ZNRF3: variants seen among roughly 807,000 people sequenced by gnomAD.
ZNRF3 encodes the protein E3 ubiquitin-protein ligase ZNRF3.
A neutral mutation model predicts 72.5 loss-of-function variants in ZNRF3; 23 were observed. The ratio of observed to expected loss-of-function variants is 0.32; its 90% CI spans 0.23 to 0.45. The LOEUF is 0.45. Among genes scored for constraint, ZNRF3 ranks in the 20% least tolerant of loss-of-function variants. The pLI, the probability that ZNRF3 is intolerant of heterozygous loss-of-function variation, is 1.00. For missense variants in ZNRF3, 1,169 were observed against 1,272.1 expected (o/e 0.92, Z 1.23); for synonymous variants, 610 against 545.3 (o/e 1.12, Z -1.65).
intron 1 of ZNRF3, among the ~76,000 whole-genome samples, chr22:28,962,390 A>C (rs374824362): frequency 6.6e-6 from 1 of 152,152 alleles, no homozygotes; most frequent in Non-Finnish European, 1.5e-5. Flanking sequence ...GAGGGGTGCA[A>C]TGAAGTTGTC....
intron 2 of ZNRF3, among the ~76,000 whole-genome samples, chr22:28,993,761 C>T (rs774768582): frequency 6.6e-6 from 1 of 152,210 alleles, no homozygotes; most frequent in Non-Finnish European, 1.5e-5. Context: ...TGGCTCACTT[C>T]AGCCTCAAAC....
intron 2 of ZNRF3, among the ~76,000 whole-genome samples, chr22:28,990,412 C>T (rs1291570622): frequency 3.9e-5 from 6 of 152,156 alleles, no homozygotes; most frequent in Non-Finnish European, 5.9e-5. Context: ...TGGCCAGGCA[C>T]GGTGGCTCAC....
intron 2 of ZNRF3, among the ~76,000 whole-genome samples, chr22:29,010,542 A>G (rs541021756): frequency 6.6e-6 from 1 of 152,298 alleles, no homozygotes; most frequent in Non-Finnish European, 1.5e-5. Flanking sequence ...TGATTACTGT[A>G]AATAATGCTA....
At position 28,902,457 on chromosome 22, in the gene ZNRF3, G is replaced by A. The variant is rs537223921; in HGVS notation, c.300+18391G>A. ...GAGTGCAGTGGTGTGATCTTGGTTCGCTACGAACTCCCTGTCCTGCGCTCA... is the reference window on the plus strand; with the variant it reads ...GAGTGCAGTGGTGTGATCTTGGTTCACTACGAACTCCCTGTCCTGCGCTCA... On this transcript the variant is annotated intron_variant, in intron 1 of 8. Coordinates refer to ENST00000544604, the MANE Select transcript of ZNRF3 (RefSeq NM_001206998.2). 5.3e-5 allele frequency among the ~76,000 whole-genome samples: 8 copies of A among 151,636 alleles called. No individual in the cohort carries two copies. The South Asian group carries it at 6.3e-4, about 12-fold the overall frequency.
At chr22:28,925,934 T>A (rs1198334689) in intron 1 of ZNRF3, among the ~76,000 whole-genome samples, 1 of 152,196 alleles carries the variant, frequency 6.6e-6, no homozygotes, top group Non-Finnish European at 1.5e-5. Flanking sequence ...CTTCTCTCCC[T>A]ATCTACTGCC....
Position 28,976,229 on chromosome 22 carries a change from T to A in ZNRF3, c.301-10847T>A, listed in dbSNP as rs551890547. On this transcript the variant is annotated intron_variant, in intron 1 of 8. Coordinates refer to ENST00000544604, the MANE Select transcript of ZNRF3 (RefSeq NM_001206998.2). ...AAGATCATGCCACTGCACTCCAGCA[T>A]GGGCAACAGAGCGGGACCCTGTCTC... Among the ~76,000 whole-genome samples the A allele has an allele frequency of 2.0e-5, 3 of 152,280 alleles. No individual in the cohort carries two copies. The East Asian group carries it at 5.8e-4, about 29-fold the overall frequency.
chr22:28,965,328 C>T (rs552443433), intron 1 of ZNRF3, among the ~76,000 whole-genome samples: 4 of 152,360 alleles, frequency 2.6e-5, no homozygotes, highest in African/African-American at 9.6e-5. Flanking sequence ...GTGCTTGCCT[C>T]GTTCCAGGCA....
intron 1 of ZNRF3, among the ~76,000 whole-genome samples, chr22:28,895,653 C>G (rs973925225): frequency 2.0e-5 from 3 of 151,912 alleles, no homozygotes; most frequent in Admixed American, 1.3e-4. Flanking sequence ...GGCGACAGAG[C>G]GAGACTCCGT....
chr22:28,958,382 TCTCA>T (rs1342778412), intron 1 of ZNRF3, among the ~76,000 whole-genome samples: 1 of 152,190 alleles, frequency 6.6e-6, no homozygotes, highest in African/African-American at 2.4e-5. Flanking sequence ...GTTGGTTTTC[TCTCA>T]CTCCCCTCCT....
chr22:28,930,468 G>A (rs998113648), intron 1 of ZNRF3, among the ~76,000 whole-genome samples: 3 of 152,322 alleles, frequency 2.0e-5, no homozygotes, highest in East Asian at 3.9e-4. Context: ...GGATGGTTCC[G>A]ATTTGAGAGT....
At position 29,049,776 on chromosome 22, in the gene ZNRF3, A is replaced by T. The variant is rs779227959; in HGVS notation, c.1595A>T (p.Tyr532Phe). The change falls in exon 8 of 9, where the codon TAT becomes TTT. Residue 532 changes from tyrosine (Y) to phenylalanine (F), a missense_variant. By Grantham distance (22) the Tyr-to-Phe change is conservative. Around this residue, in one of 2 missense-constraint regions of ZNRF3, gnomAD observed 783 missense variants for 731.4 expected, o/e 1.07. Transcript: ENST00000544604. The surrounding 1 kb of genome is among the most constrained non-coding windows in gnomAD (Gnocchi z 5.2). ...ESGSTSSFSCYHGHRSVCSGY... is the reference protein window; with the variant it reads ...ESGSTSSFSCFHGHRSVCSGY... The stretch of plus-strand genomic sequence containing the variant: ...GGCAGCACGTCCAGCTTCAGCTGCT[A>T]TCACGGCCACCGCTCGGTGTGCAGT... 3 of 1,599,228 alleles carry T rather than the reference A, an allele frequency of 1.9e-6. No homozygotes were observed. The South Asian group carries it at 3.3e-5, about 18-fold the overall frequency.
intron 1 of ZNRF3, among the ~76,000 whole-genome samples, chr22:28,889,750 A>AT (rs2033852306): frequency 6.6e-6 from 1 of 152,224 alleles, no homozygotes; most frequent in Non-Finnish European, 1.5e-5. Flanking sequence ...ACTTTTCTGC[A>AT]TTTACATGGC....
intron 1 of ZNRF3, among the ~76,000 whole-genome samples, chr22:28,918,045 G>C (rs1014918103): frequency 6.6e-6 from 1 of 152,358 alleles, no homozygotes; most frequent in Middle Eastern, 3.4e-3. Flanking sequence ...ATAACTAGCT[G>C]TTTGCGTGCT....
chr22:29,048,466 C>T lies in ZNRF3; in HGVS notation c.990C>T (p.Cys330=). Residue 330 remains cysteine, a synonymous_variant, in exon 7 of 9, where the codon TGC becomes TGT. Transcript: ENST00000544604. This position sits in a 1 kb window ranked among gnomAD's most constrained non-coding sequence, Gnocchi z 4.9. ...VDPWLLQHHT[C]PHCRHNIIEQ... is the part of the protein sequence containing the mutation. ...CCTGGCTGCTGCAGCACCACACCTGCCCCCACTGTCGGCACAACATCATAG... is the reference window on the plus strand; with the variant it reads ...CCTGGCTGCTGCAGCACCACACCTGTCCCCACTGTCGGCACAACATCATAG... 2 of 1,614,152 alleles carry T rather than the reference C, an allele frequency of 1.2e-6. No homozygotes were observed.
chr22:28,912,025 C>A (rs550582953), intron 1 of ZNRF3, among the ~76,000 whole-genome samples: 1 of 152,154 alleles, frequency 6.6e-6, no homozygotes, highest in Non-Finnish European at 1.5e-5. Context: ...GAGAAGGGCC[C>A]GGCCATTAAA....
At chr22:29,051,257 G>C (rs766758494) in intron 8 of ZNRF3, among the ~76,000 whole-genome samples, 3 of 152,138 alleles carry the variant, frequency 2.0e-5, no homozygotes, top group Non-Finnish European at 4.4e-5. Context: ...CCTAGCACCA[G>C]CTGGGGGTAG....
chr22:29,034,734 C>T (rs1023214693), intron 2 of ZNRF3, among the ~76,000 whole-genome samples: 3 of 152,102 alleles, frequency 2.0e-5, no homozygotes, highest in Admixed American at 2.0e-4. Context: ...TACCCATTTG[C>T]CCTTGGAACT....
At chr22:28,986,598 G>C in intron 1 of ZNRF3, 2 of 985,316 alleles carry the variant, frequency 2.0e-6, no homozygotes, top group Non-Finnish European at 2.4e-6. Flanking sequence ...GATTTCTGTG[G>C]TCTCTGCATA....
intron 2 of ZNRF3, chr22:29,025,564 C>CTTTCT (rs533618873): frequency 6.8e-6 from 1 of 147,386 alleles, no homozygotes; most frequent in Non-Finnish European, 1.5e-5. Context: ...CTCTTTCTTT[C>CTTTCT]TTTTTTTTTT....
Sources: gnomAD v4.1 joint callset for allele counts (sites outside exome capture counted in the v4.1 genomes callset) on GRCh38, gnomAD v4.1.1 for gene constraint, gnomAD v4.1.1 regional missense constraint, Gnocchi (gnomAD v3.1) non-coding constraint, MANE v1.5 for transcripts, NCBI Gene and HGNC (gene_info 2026-07-23, HGNC 2026-07-21) for gene names.